The following FAM20A variants were observed in gnomAD, a reference collection of about 807,000 sequenced individuals.
The protein encoded by FAM20A is pseudokinase FAM20A.
Under a neutral mutation model 52.0 loss-of-function variants are expected in FAM20A, and 42 were observed. The ratio of observed to expected loss-of-function variants is 0.81; its 90% CI spans 0.63 to 1.04. The LOEUF (loss-of-function observed/expected upper bound fraction) is 1.04, where lower values mean the gene tolerates loss of function less well. Among genes scored for constraint, FAM20A ranks in the 50% least tolerant of loss-of-function variants. The pLI is 0.00. For synonymous variants in FAM20A, 304 were observed against 298.9 expected (o/e 1.02, Z -0.18); for missense variants, 742 against 712.7 (o/e 1.04, Z -0.47).
At chr17:68,540,531 T>C (rs1039575729) in intron 8 of FAM20A, 2 of 492,908 alleles carry the variant, frequency 4.1e-6, no homozygotes, top group Admixed American at 2.3e-5. Flanking sequence ...ATTTGTGTAC[T>C]TTCTTCCCTT....
intron 1 of FAM20A, among the ~76,000 whole-genome samples, chr17:68,569,687 C>A (rs1462677070): frequency 6.6e-6 from 1 of 152,198 alleles, no homozygotes; most frequent in African/African-American, 2.4e-5. Context: ...ACATTTTCAT[C>A]ATTGTGAAAA....
At chr17:68,591,802 T>C (rs2088320234) in intron 1 of FAM20A, 1 of 152,324 alleles carries the variant, frequency 6.6e-6, no homozygotes, top group African/African-American at 2.4e-5. Context: ...GCCTCTCCTG[T>C]TCCTGTGTGG....
intron 1 of FAM20A, among the ~76,000 whole-genome samples, chr17:68,566,418 T>C (rs574891732): frequency 6.6e-6 from 1 of 152,336 alleles, no homozygotes; most frequent in East Asian, 1.9e-4. Context: ...ATGGCCTGAG[T>C]ATATTTTTGG....
At chr17:68,580,524 C>T (rs1467704150) in intron 1 of FAM20A, among the ~76,000 whole-genome samples, 1 of 152,232 alleles carries the variant, frequency 6.6e-6, no homozygotes, top group Admixed American at 6.5e-5. Context: ...CATAGAACCA[C>T]AGCCCTGGCT....
chr17:68,548,337 C>T (rs1600551452), intron 4 of FAM20A, among the ~76,000 whole-genome samples: 1 of 152,274 alleles, frequency 6.6e-6, no homozygotes, highest in East Asian at 1.9e-4. Flanking sequence ...CGAGACCAGC[C>T]TGGCCAACAC....
At chr17:68,578,592 A>AAG (rs1476191573) in intron 1 of FAM20A, among the ~76,000 whole-genome samples, 1 of 152,090 alleles carries the variant, frequency 6.6e-6, no homozygotes. Context: ...CTCAGAAGAT[A>AAG]GCTGGGCCTT....
chr17:68,594,710 T>C (rs766304), intron 1 of FAM20A, among the ~76,000 whole-genome samples: 78,485 of 152,034 alleles, frequency 0.52, 20,630 homozygotes, highest in South Asian at 0.55. Context: ...CAGCTGGGGC[T>C]AATCTTAGCC....
chr17:68,549,357 G>GGT (rs2086725510), intron 4 of FAM20A, among the ~76,000 whole-genome samples: 1 of 152,100 alleles, frequency 6.6e-6, no homozygotes, highest in African/African-American at 2.4e-5. Context: ...AGCCAGGTGT[G>GGT]GTGGTACACA....
At chr17:68,578,795 C>T (rs980842891) in intron 1 of FAM20A, among the ~76,000 whole-genome samples, 1 of 138,820 alleles carries the variant, frequency 7.2e-6, no homozygotes, top group Middle Eastern at 3.9e-3. Context: ...AGATCGAGAC[C>T]ATCCTGGTGA....
intron 5 of FAM20A, 23 bp downstream of exon 5, chr17:68,543,606 A>G (rs1217995554): frequency 6.2e-7 from 1 of 1,609,934 alleles, no homozygotes. Flanking sequence ...AGGCAATGCC[A>G]TCTCCATGGG....
At chr17:68,594,164 C>T (rs539736981) in intron 1 of FAM20A, among the ~76,000 whole-genome samples, 2 of 152,334 alleles carry the variant, frequency 1.3e-5, no homozygotes, top group African/African-American at 4.8e-5. Context: ...GTAATCCCAG[C>T]ACTTTGGGAG....
chr17:68,535,280 A>C lies in FAM20A; in HGVS notation c.*2197T>G, dbSNP rs751846642. ...TAATGGAAGGTTGAAAGATAAGTGA[A>C]TAATAAGGTAGGTGTACCACATATC... On this transcript the variant is annotated 3_prime_UTR_variant, in exon 11 of 11. Transcript: ENST00000592554. 6.6e-6 allele frequency: 3 copies of C among 454,114 alleles called. No homozygotes were observed. The highest frequency in any genetic ancestry group is 4.7e-5 in the South Asian group (3 of 64,474). 28.1% of individuals were successfully genotyped at this position (454,114 alleles called of 1,614,324 possible). A position where few individuals can be genotyped will look rare whatever the true frequency, so the allele number is the denominator to read the frequency against.
intron 8 of FAM20A, 47 bp downstream of exon 8, chr17:68,540,802 A>G (rs1311826989): frequency 6.4e-7 from 1 of 1,559,208 alleles, no homozygotes; most frequent in Non-Finnish European, 8.7e-7. Flanking sequence ...AACCCTAGCC[A>G]CATAGCAGAG....
At chr17:68,539,199 A>G in intron 10 of FAM20A, 138 bp downstream of exon 10, 1 of 768,270 alleles carries the variant, frequency 1.3e-6, no homozygotes, top group Non-Finnish European at 2.3e-6. Context: ...AATGTGTAGG[A>G]AATAAGGTGA....
intron 4 of FAM20A, among the ~76,000 whole-genome samples, chr17:68,545,985 C>T (rs113570941): frequency 5.9e-5 from 9 of 151,956 alleles, no homozygotes; most frequent in South Asian, 4.2e-4. Context: ...CTGGCTAACA[C>T]GGTGAAACCC....
intron 1 of FAM20A, among the ~76,000 whole-genome samples, chr17:68,560,612 T>C (rs1048355300): frequency 1.3e-5 from 2 of 152,234 alleles, no homozygotes; most frequent in Non-Finnish European, 2.9e-5. Flanking sequence ...TTGTAATGTT[T>C]TGTTATGCCG....
chr17:68,600,153 G>A lies in FAM20A; in HGVS notation c.404+110C>T, dbSNP rs2088572402. Reference sequence around the variant, plus strand: ...GCCCAGCGCCAGGGCTGGAGCCGTGGGTGGAGCCGCTGCAGCCCTGGGCCG... The same window carrying A: ...GCCCAGCGCCAGGGCTGGAGCCGTGAGTGGAGCCGCTGCAGCCCTGGGCCG... On this transcript the variant is annotated intron_variant, in intron 1 of 10. Transcript: ENST00000592554. This position sits in a 1 kb window ranked among gnomAD's most constrained non-coding sequence, Gnocchi z 6.2. 7 of 1,292,752 alleles carry A rather than the reference G, an allele frequency of 5.4e-6. No homozygotes were observed. The highest frequency in any genetic ancestry group is 2.5e-5 in the East Asian group (1 of 39,472). The allele number at this position is 1,292,752 out of a possible 1,614,324, so 80.1% of individuals were successfully genotyped here. A position where few individuals can be genotyped will look rare whatever the true frequency, so the allele number is the denominator to read the frequency against.
intron 1 of FAM20A, among the ~76,000 whole-genome samples, chr17:68,568,851 A>G (rs905854826): frequency 1.3e-5 from 2 of 151,544 alleles, no homozygotes; most frequent in African/African-American, 2.4e-5. Flanking sequence ...CCCTTTTTCC[A>G]TATAAGGTAA....
intron 1 of FAM20A, among the ~76,000 whole-genome samples, chr17:68,570,250 A>G (rs979562758): frequency 2.6e-5 from 4 of 151,792 alleles, no homozygotes; most frequent in Admixed American, 1.3e-4. Context: ...TAATTTTTGT[A>G]TTTTTAGTAG....
Sources: allele counts gnomAD v4.1 joint callset (sites outside exome capture counted in the v4.1 genomes callset), GRCh38; gene constraint gnomAD v4.1.1; non-coding constraint Gnocchi (gnomAD v3.1); transcripts MANE v1.5; gene names NCBI Gene and HGNC (gene_info 2026-07-23, HGNC 2026-07-21).